MAPK10: variants seen among roughly 807,000 people sequenced by gnomAD.
MAPK10 encodes JNK3 alpha protein kinase.
A neutral mutation model predicts 59.3 loss-of-function variants in MAPK10; 25 were observed. That is an observed-to-expected ratio of 0.42 (90% CI 0.31 to 0.59). The LOEUF is 0.59. Among genes scored for constraint, MAPK10 ranks in the 20% least tolerant of loss-of-function variants. The pLI, the probability that MAPK10 is intolerant of heterozygous loss-of-function variation, is 0.15. For synonymous variants in MAPK10, 190 were observed against 200.5 expected, an observed-to-expected ratio of 0.95 and a Z score of 0.44; for missense variants, 351 against 568.9, an observed-to-expected ratio of 0.62 and a Z score of 3.90.
At chr4:86,419,985 A>G (rs2149032604) in intron 1 of MAPK10, among the ~76,000 whole-genome samples, 1 of 152,352 alleles carries the variant, frequency 6.6e-6, no homozygotes, top group Admixed American at 6.5e-5. Flanking sequence ...TCATTTGTTC[A>G]ATCGCTAAAA....
In MAPK10 at chr4:86,017,032, T is replaced by A; in HGVS notation, c.*196A>T. The A allele has an allele frequency of 3.7e-6, 2 of 546,446 alleles. No homozygotes were observed. Among genetic ancestry groups the A allele is most frequent in the South Asian group, 5.2e-5 (2 of 38,532 alleles). 33.8% of individuals were successfully genotyped at this position (546,446 alleles called of 1,614,324 possible). A position where few individuals can be genotyped will look rare whatever the true frequency, so the allele number is the denominator to read the frequency against. On this transcript the variant is annotated 3_prime_UTR_variant, in exon 14 of 14. Coordinates refer to ENST00000641462, the MANE Select transcript of MAPK10 (RefSeq NM_138982.4). This position sits in a 1 kb window ranked among gnomAD's most constrained non-coding sequence, Gnocchi z 4.4. ...GAGCAACTAGAAGTTAAATATACAT[T>A]TGAGCTTAGCTGCAATACAGAACCC...
chr4:86,056,694 C>T (rs542242454), intron 11 of MAPK10, among the ~76,000 whole-genome samples: 2 of 150,090 alleles, frequency 1.3e-5, no homozygotes, highest in South Asian at 4.2e-4. Flanking sequence ...AACTCCTTCC[C>T]ATCATCCTCA....
At chr4:86,181,162 G>A (rs2076853260) in intron 3 of MAPK10, among the ~76,000 whole-genome samples, 1 of 151,670 alleles carries the variant, frequency 6.6e-6, no homozygotes, top group Admixed American at 6.6e-5. Flanking sequence ...TAAATGGGAT[G>A]GATATTAAAC....
Position 86,070,379 on chromosome 4 carries a change from AT to A in MAPK10, c.803-2425del, listed in dbSNP as rs200151279. 1.2e-4 allele frequency among the ~76,000 whole-genome samples: 17 copies of A among 146,550 alleles called. No individual in the cohort carries two copies. The East Asian group carries it at 2.2e-3, about 19-fold the overall frequency. ...TTTTTTGTAGCACTTGAAGGGCTTT[AT>A]TTTTTTTTCTTTTTCTTTTTTTTAT... On this transcript the variant is annotated intron_variant, in intron 9 of 13. Coordinates refer to ENST00000641462, the MANE Select transcript of MAPK10 (RefSeq NM_138982.4).
At chr4:86,021,821 C>T (rs906607752) in intron 13 of MAPK10, among the ~76,000 whole-genome samples, 14 of 152,252 alleles carry the variant, frequency 9.2e-5, no homozygotes, top group Non-Finnish European at 1.6e-4. Context: ...CTGGGGGACC[C>T]AGTACACCTT....
chr4:86,164,395 G>A (rs929040931), intron 3 of MAPK10: 9 of 152,174 alleles, frequency 5.9e-5, no homozygotes, highest in East Asian at 1.9e-4. Context: ...TTAGTGTCAC[G>A]CTTCTGGAAC....
At chr4:86,260,074 G>A (rs1033825096) in intron 2 of MAPK10, among the ~76,000 whole-genome samples, 8 of 151,896 alleles carry the variant, frequency 5.3e-5, no homozygotes, top group Admixed American at 4.6e-4. Flanking sequence ...TAAGAGTTTT[G>A]CATTTTACAA....
intron 1 of MAPK10, chr4:86,357,581 T>G (rs1415824148): frequency 6.6e-6 from 1 of 152,154 alleles, no homozygotes; most frequent in African/African-American, 2.4e-5. Context: ...ATTCTAACCT[T>G]AGAATATATA....
Position 86,507,485 on chromosome 4 carries a change from G to A in MAPK10, c.-263+86425C>T, listed in dbSNP as rs191620829. On this transcript the variant is annotated intron_variant, in intron 1 of 4. Coordinates refer to the MAPK10 transcript ENST00000502302. ...TAGTGATTCCACTTCTCAGTATCTC[G>A]CCTAGAGAAATACCCATGTGCACAA... is the stretch of plus-strand genomic sequence containing the variant. Among the ~76,000 whole-genome samples the A allele has an allele frequency of 8.6e-3, 1,299 of 150,588 alleles. 11 individuals are homozygous for A. Among genetic ancestry groups the A allele is most frequent in the Middle Eastern group, 0.031 (9 of 294 alleles).
chr4:86,287,505 G>A (rs1286974458), intron 2 of MAPK10, among the ~76,000 whole-genome samples: 4 of 152,074 alleles, frequency 2.6e-5, no homozygotes, highest in African/African-American at 9.7e-5. Context: ...CATCGTTTTA[G>A]GAAAGAAATA....
At chr4:86,375,899 G>C (rs1469362690) in intron 1 of MAPK10, among the ~76,000 whole-genome samples, 1 of 151,954 alleles carries the variant, frequency 6.6e-6, no homozygotes, top group Non-Finnish European at 1.5e-5. Flanking sequence ...TAATGAAGTG[G>C]ATATGTAAGT....
At chr4:86,175,716 G>T (rs1159260477) in intron 3 of MAPK10, among the ~76,000 whole-genome samples, 1 of 152,054 alleles carries the variant, frequency 6.6e-6, no homozygotes, top group Non-Finnish European at 1.5e-5. Flanking sequence ...CAGCCTGCAG[G>T]ACCGTGAACC....
intron 1 of MAPK10, among the ~76,000 whole-genome samples, chr4:86,470,372 A>G (rs916483179): frequency 6.6e-6 from 1 of 152,230 alleles, no homozygotes; most frequent in Non-Finnish European, 1.5e-5. Flanking sequence ...TATTTTTATC[A>G]TACAAGATTG....
rs1466903298 is a variant in MAPK10 at position 86,017,937 on chromosome 4, G to T, written c.1253-567C>A. On this transcript the variant is annotated intron_variant, in intron 13 of 13. Coordinates refer to ENST00000641462, the MANE Select transcript of MAPK10 (RefSeq NM_138982.4). This position sits in a 1 kb window ranked among gnomAD's most constrained non-coding sequence, Gnocchi z 4.4. ...GAGGTTTCAACATGTTGGCCAGAAT[G>T]GTCTCGATCTCTTGACCTCATGATC... 1.3e-5 allele frequency among the ~76,000 whole-genome samples: 2 copies of T among 152,146 alleles called. No individual in the cohort carries two copies. Among genetic ancestry groups the T allele is most frequent in the Admixed American group, 6.6e-5 (1 of 15,266 alleles).
intron 13 of MAPK10, chr4:86,028,909 G>A (rs373955740): frequency 7.3e-6 from 3 of 410,470 alleles, no homozygotes; most frequent in East Asian, 5.5e-5. Flanking sequence ...GAATTTTGAT[G>A]AGGCACATTT....
intron 13 of MAPK10, chr4:86,027,252 G>A (rs1016053467): frequency 6.6e-6 from 1 of 152,170 alleles, no homozygotes; most frequent in African/African-American, 2.4e-5. Flanking sequence ...GTCAACTATA[G>A]TTTAGGGCAT....
intron 1 of MAPK10, among the ~76,000 whole-genome samples, chr4:86,588,387 T>C (rs1345817859): frequency 6.6e-6 from 1 of 152,194 alleles, no homozygotes; most frequent in Non-Finnish European, 1.5e-5. Flanking sequence ...AGAAATGCAA[T>C]GTTTTCCGTA....
intron 1 of MAPK10, among the ~76,000 whole-genome samples, chr4:86,451,995 T>C (rs949147345): frequency 1.3e-5 from 2 of 152,168 alleles, no homozygotes; most frequent in South Asian, 4.1e-4. Flanking sequence ...GTAAGGTAGC[T>C]ATTTGTTTTA....
At chr4:86,517,963 A>T (rs1234239515) in intron 1 of MAPK10, among the ~76,000 whole-genome samples, 1 of 151,906 alleles carries the variant, frequency 6.6e-6, no homozygotes, top group African/African-American at 2.4e-5. Context: ...GTTACTTGTT[A>T]TTGCTCTGTT....
Sources: gnomAD v4.1 joint callset for allele counts (sites outside exome capture counted in the v4.1 genomes callset) on GRCh38, gnomAD v4.1.1 for gene constraint, Gnocchi (gnomAD v3.1) non-coding constraint, MANE v1.5 for transcripts, NCBI Gene and HGNC (gene_info 2026-07-23, HGNC 2026-07-21) for gene names.